Variants in CARHSP1 observed in about 807,000 individuals in gnomAD.
CARHSP1 encodes the protein calcium regulated heat stable protein 1, also known as calcium-regulated heat-stable protein 1.
In CARHSP1, 14 loss-of-function variants were observed where a neutral mutation model predicts 12.5. That is an observed-to-expected ratio of 1.12 (90% CI 0.74 to 1.75). The LOEUF (loss-of-function observed/expected upper bound fraction) is 1.75, where lower values mean the gene tolerates loss of function less well. Among genes scored for constraint, CARHSP1 ranks in the 40% most tolerant of loss-of-function variants. CARHSP1 has a pLI of 0.00. For missense variants in CARHSP1, 343 were observed against 201.6 expected (o/e 1.70, Z -4.25); for synonymous variants, 161 against 82.0 (o/e 1.96, Z -5.20).
intron 3 of CARHSP1, chr16:8,857,517 C>T (rs1159576400): frequency 8.2e-6 from 1 of 121,820 alleles, no homozygotes; most frequent in South Asian, 3.0e-4. Flanking sequence ...GTCTTGAAGT[C>T]CTGACCTCAG....
At chr16:8,858,552 T>A (rs1472367339) in intron 2 of CARHSP1, 80 bp from the exon 3 acceptor site, 1 of 1,551,286 alleles carries the variant, frequency 6.4e-7, no homozygotes, top group East Asian at 2.3e-5. Flanking sequence ...TGCCCACAGC[T>A]GTGCCCCATC....
chr16:8,855,359 A>G (rs761378475), intron 3 of CARHSP1, 33 bp from the exon 4 acceptor site: 2 of 1,456,194 alleles, frequency 1.4e-6, no homozygotes, highest in Non-Finnish European at 1.8e-6. Context: ...GTCAGGGCTC[A>G]CACCGGGACA....
chr16:8,856,957 G>T (rs765017553), intron 3 of CARHSP1, among the ~76,000 whole-genome samples: 2 of 152,124 alleles, frequency 1.3e-5, no homozygotes, highest in Admixed American at 6.5e-5. Flanking sequence ...AAGCATGCAG[G>T]AGGAGAAAGA....
chr16:8,858,624 C>G, intron 2 of CARHSP1, 152 bp from the exon 3 acceptor site: 1 of 908,694 alleles, frequency 1.1e-6, no homozygotes, highest in East Asian at 2.7e-5. Flanking sequence ...ACCCTCAACC[C>G]TGGGAGCCGC....
chr16:8,858,555 G>A, intron 2 of CARHSP1, 83 bp from the exon 3 acceptor site: 4 of 1,527,696 alleles, frequency 2.6e-6, no homozygotes, highest in Non-Finnish European at 3.5e-6. Context: ...CCACAGCTGT[G>A]CCCCATCAAG....
Position 8,858,479 on chromosome 16 carries a change from G to T in CARHSP1, c.159-7C>A, listed in dbSNP as rs750037399. ...CTGTGAAGCCCGCACCGTCCTGACA[G>T]AGAGGGGGAAATGTCAGGGGCCCCA... On this transcript the variant is annotated splice_region_variant and splice_polypyrimidine_tract_variant and intron_variant, in intron 2 of 3. Coordinates refer to ENST00000311052, the MANE Select transcript of CARHSP1 (RefSeq NM_014316.4). The T allele has an allele frequency of 3.1e-6, 5 of 1,612,526 alleles. No homozygotes were observed. The highest frequency in any genetic ancestry group is 1.1e-5 in the South Asian group (1 of 91,038).
Position 8,854,869 on chromosome 16 carries a change from TGGGATGGG to T in CARHSP1, c.*287_*294del, listed in dbSNP as rs2061045833. 1 of 258,586 alleles carries T rather than the reference TGGGATGGG, an allele frequency of 3.9e-6. No individual in the cohort carries two copies. Among genetic ancestry groups the T allele is most frequent in the African/African-American group, 2.2e-5 (1 of 45,214 alleles). 16.0% of individuals were successfully genotyped at this position (258,586 alleles called of 1,614,324 possible). A position where few individuals can be genotyped will look rare whatever the true frequency, so the allele number is the denominator to read the frequency against. ...GAAATACCACCCTTGATCCACTCCCTGGGATGGGGTTGGAACCTCCACTCAGCCACCAG... is the reference window on the plus strand; with the variant it reads ...GAAATACCACCCTTGATCCACTCCCTGTTGGAACCTCCACTCAGCCACCAG... On this transcript the variant is annotated 3_prime_UTR_variant, in exon 4 of 4. Transcript: ENST00000311052.
At chr16:8,866,463 A>G in intron 1 of CARHSP1, 1 of 985,384 alleles carries the variant, frequency 1.0e-6, no homozygotes. Flanking sequence ...AGACAGAGAC[A>G]CTGAGCTGAC....
At position 8,858,344 on chromosome 16, in the gene CARHSP1, A is replaced by G; in HGVS notation, c.281+6T>C. The G allele has an allele frequency of 4.3e-6, 7 of 1,613,088 alleles. No homozygotes were observed. Among genetic ancestry groups the G allele is most frequent in the Non-Finnish European group, 5.9e-6 (7 of 1,179,796 alleles). ...GCCAGGCCACCCAGACCTGCCGCTG[A>G]CTCACTCAGAGATGTGCAGGAAGAT... On this transcript the variant is annotated splice_donor_region_variant and intron_variant, in intron 3 of 3. Coordinates refer to ENST00000311052, the MANE Select transcript of CARHSP1 (RefSeq NM_014316.4).
rs1567181195 is a variant in CARHSP1 at position 8,857,277 on chromosome 16, T to TTTTTG, written c.281+1072_281+1073insCAAAA. ...TGGGCAGATCTGTTTTTTTTTTTTT[T>TTTTTG]TTTTTTTTTTTTTTTTTTTTTTGAG... On this transcript the variant is annotated intron_variant, in intron 3 of 3. Coordinates refer to ENST00000311052, the MANE Select transcript of CARHSP1 (RefSeq NM_014316.4). 2.1e-4 allele frequency among the ~76,000 whole-genome samples: 14 copies of TTTTTG among 65,878 alleles called. 1 individual carries two copies. The highest frequency in any genetic ancestry group is 2.1e-3 in the East Asian group (5 of 2,354). The allele number at this position is 65,878 out of a possible 152,430, so 43.2% of individuals were successfully genotyped here.
At chr16:8,857,269 T>TGTTG (rs756868301) in intron 3 of CARHSP1, among the ~76,000 whole-genome samples, 2 of 29,954 alleles carry the variant, frequency 6.7e-5, no homozygotes, top group African/African-American at 1.4e-4. Context: ...ATCTGTTTTT[T>TGTTG]TTTTTTTTTT....
chr16:8,858,260 C>A (rs4985008), intron 3 of CARHSP1, 90 bp downstream of exon 3: 4 of 1,452,434 alleles, frequency 2.8e-6, no homozygotes, highest in East Asian at 4.6e-5. Flanking sequence ...TCACACCCAG[C>A]GCCCATCAGA....
chr16:8,853,738 A>C lies in CARHSP1; in HGVS notation c.*1426T>G, dbSNP rs1175580969. On this transcript the variant is annotated 3_prime_UTR_variant, in exon 4 of 4. Transcript: ENST00000311052. ...TACTTTGAAATCATGACTAAAGCCA[A>C]ACCACAACCACAGCAAAGATAACCT... is the stretch of plus-strand genomic sequence containing the variant. 2 of 152,238 alleles carry C rather than the reference A, an allele frequency of 1.3e-5. No homozygotes were observed. The highest frequency in any genetic ancestry group is 2.9e-5 in the Non-Finnish European group (2 of 68,048). The allele number at this position is 152,238 out of a possible 1,614,324, so 9.4% of individuals were successfully genotyped here. A position where few individuals can be genotyped will look rare whatever the true frequency, so the allele number is the denominator to read the frequency against.
intron 1 of CARHSP1, among the ~76,000 whole-genome samples, chr16:8,863,392 C>T (rs1311045684): frequency 2.0e-5 from 3 of 152,132 alleles, no homozygotes; most frequent in African/African-American, 7.2e-5. Context: ...GGATTACAGG[C>T]GTGAGCCACC....
chr16:8,863,146 A>G, intron 1 of CARHSP1, among the ~76,000 whole-genome samples: 1 of 100,698 alleles, frequency 9.9e-6, no homozygotes, highest in Admixed American at 1.5e-4. Context: ...TTCAGATAGG[A>G]TCTCACTTGG....
intron 1 of CARHSP1, chr16:8,860,152 A>G: frequency 1.0e-6 from 1 of 985,408 alleles, no homozygotes. Context: ...CGTCGCAGAG[A>G]GCTCAAGCGC....
intron 1 of CARHSP1, among the ~76,000 whole-genome samples, chr16:8,861,226 C>T (rs1388942937): frequency 9.0e-6 from 1 of 111,660 alleles, no homozygotes; most frequent in Non-Finnish European, 1.7e-5. Context: ...ACTATGTTGC[C>T]CAGGCTGATC....
rs767186442 is a variant in CARHSP1 at position 8,859,341 on chromosome 16, AAG to A, written c.-7-8_-7-7del. ...GCTCAGATGACATGGCTGACCTGGA[AAG>A]AGAAGAGGCTGTCAGGGGCTCGTGC... On this transcript the variant is annotated splice_region_variant and splice_polypyrimidine_tract_variant and intron_variant, in intron 1 of 3. Coordinates refer to ENST00000311052, the MANE Select transcript of CARHSP1 (RefSeq NM_014316.4). 3.8e-6 allele frequency: 6 copies of A among 1,596,940 alleles called. No individual in the cohort carries two copies. In the Admixed American group the frequency reaches 6.8e-5, roughly 18 times the overall value.
rs1040064455 is a variant in CARHSP1 at position 8,854,052 on chromosome 16, C to G, written c.*1112G>C. 6.6e-6 allele frequency: 1 copy of G among 152,190 alleles called. No homozygotes were observed. Among genetic ancestry groups the G allele is most frequent in the Non-Finnish European group, 1.5e-5 (1 of 68,044 alleles). The allele number at this position is 152,190 out of a possible 1,614,324, so 9.4% of individuals were successfully genotyped here. On this transcript the variant is annotated 3_prime_UTR_variant, in exon 4 of 4. Transcript: ENST00000311052. ...TAAGCTGAGATCGGGCCACTGCACTCCAGCCTGGGTGACAGAATGAGACTC... is the reference window on the plus strand; with the variant it reads ...TAAGCTGAGATCGGGCCACTGCACTGCAGCCTGGGTGACAGAATGAGACTC...
Sources: gnomAD v4.1 joint callset for allele counts (sites outside exome capture counted in the v4.1 genomes callset) on GRCh38, gnomAD v4.1.1 for gene constraint, MANE v1.5 for transcripts, NCBI Gene and HGNC (gene_info 2026-07-23, HGNC 2026-07-21) for gene names.